The following TSPAN32 variants were observed in gnomAD, a reference collection of about 807,000 sequenced individuals.
TSPAN32 encodes the protein tetraspanin-32.
A neutral mutation model predicts 42.7 loss-of-function variants in TSPAN32; 47 were observed. That is an observed-to-expected ratio of 1.10 (90% CI 0.87 to 1.40). The LOEUF is 1.40. Ranked by LOEUF, TSPAN32 falls within the 40% of genes most tolerant of loss-of-function variation. TSPAN32 has a pLI of 0.00. For synonymous variants in TSPAN32, 175 were observed against 175.9 expected, an observed-to-expected ratio of 0.99 and a Z score of 0.04; for missense variants, 469 against 424.1, an observed-to-expected ratio of 1.11 and a Z score of -0.93.
In TSPAN32 at chr11:2,317,384, T is replaced by G. The variant is rs1237346062; in HGVS notation, c.760T>G (p.Cys254Gly). The stretch of plus-strand genomic sequence containing the variant: ...GCCCCAGGAGCCCAGCCTCTTGAGA[T>G]GCTCCCAGGGTGGACCCACACATTG... ...RQPQEPSLLRCSQGGPTHCLH... is the reference protein window; with the variant it reads ...RQPQEPSLLRGSQGGPTHCLH... The change falls in exon 9 of 10, where the codon TGC becomes GGC. Residue 254 changes from cysteine (C) to glycine (G), a missense_variant. Transcript: ENST00000182290. This position sits in a 1 kb window ranked among gnomAD's most constrained non-coding sequence, Gnocchi z 6.2. The G allele has an allele frequency of 1.9e-6, 3 of 1,598,520 alleles. No individual in the cohort carries two copies. Among genetic ancestry groups the G allele is most frequent in the Non-Finnish European group, 2.6e-6 (3 of 1,172,624 alleles).
At chr11:2,311,338 C>CG (rs2133342969) in intron 4 of TSPAN32, among the ~76,000 whole-genome samples, 1 of 152,280 alleles carries the variant, frequency 6.6e-6, no homozygotes, top group South Asian at 2.1e-4. Context: ...AGGCGTGGAC[C>CG]GGGCTTCAGG....
rs556965618 is a variant in TSPAN32, at chr11:2,304,010, G to A, written c.182-97G>A. 8.8e-6 allele frequency: 8 copies of A among 906,114 alleles called. No individual in the cohort carries two copies. The highest frequency in any genetic ancestry group is 3.0e-5 in the South Asian group (2 of 67,722). 56.1% of individuals were successfully genotyped at this position (906,114 alleles called of 1,614,324 possible). ...TCAGAGCCCCCCAGGAGTCCCTCAC[G>A]GCCCCTGACTCCCAAGTTAGATTTC... On this transcript the variant is annotated intron_variant, in intron 2 of 9. Coordinates refer to ENST00000182290, the MANE Select transcript of TSPAN32 (RefSeq NM_139022.3). The surrounding 1 kb of genome is among the most constrained non-coding windows in gnomAD (Gnocchi z 4.8).
Position 2,313,743 on chromosome 11 carries a change from C to T in TSPAN32, c.444C>T (p.Ala148=), listed in dbSNP as rs1848615304. The part of the protein sequence containing the change: ...TSHVRRQELA[A]IQDVFLCCGK... ...ACGTCCGGCGGCAGGAGCTGGCGGC[C>T]ATCCAGGACGTGGTGAGCGTGGGGA... is the stretch of plus-strand genomic sequence containing the variant. Residue 148 remains alanine, a synonymous_variant, in exon 5 of 10, where the codon GCC becomes GCT. Coordinates refer to ENST00000182290, the MANE Select transcript of TSPAN32 (RefSeq NM_139022.3). This position sits in a 1 kb window ranked among gnomAD's most constrained non-coding sequence, Gnocchi z 9.1. 4 of 1,599,042 alleles carry T rather than the reference C, an allele frequency of 2.5e-6. No individual in the cohort carries two copies. In the South Asian group the frequency reaches 4.5e-5, roughly 18 times the overall value.
chr11:2,316,025 C>A (rs1357308469), intron 6 of TSPAN32: 11 of 1,534,358 alleles, frequency 7.2e-6, no homozygotes, highest in African/African-American at 6.8e-5. Flanking sequence ...CCCACAGAGG[C>A]CAGCCCTGTC....
intron 1 of TSPAN32, 104 bp from the exon 2 acceptor site, chr11:2,302,740 G>C: frequency 1.1e-6 from 1 of 890,236 alleles, no homozygotes; most frequent in South Asian, 1.6e-5. Context: ...TGTCTCTCAC[G>C]GGACCGGGAA....
In TSPAN32 at chr11:2,317,824, T is replaced by C; in HGVS notation, c.902-39T>C. The stretch of plus-strand genomic sequence containing the variant: ...TATGCTGCGTAAGAAGCAGCATGGA[T>C]GTAAGGACTGCAAGCAGTGCCCATT... On this transcript the variant is annotated intron_variant, in intron 9 of 9. Coordinates refer to ENST00000182290, the MANE Select transcript of TSPAN32 (RefSeq NM_139022.3). This position sits in a 1 kb window ranked among gnomAD's most constrained non-coding sequence, Gnocchi z 6.2. 6.2e-7 allele frequency: 1 copy of C among 1,605,094 alleles called. No homozygotes were observed. The highest frequency in any genetic ancestry group is 8.5e-7 in the Non-Finnish European group (1 of 1,174,180).
chr11:2,308,759 G>T lies in TSPAN32; in HGVS notation c.303G>T (p.Ala101=), dbSNP rs570557887. ...AGGGCTTCCTGTGCTTCTCCCTGGC[G>T]TTCTGCGCACAGGTGCAGGTGGTGT... ...MAGGFLCFSL[A]FCAQVQVVFW... is the part of the protein sequence containing the mutation. The change falls in exon 4 of 10, where the codon GCG becomes GCT. Residue 101 remains alanine, a synonymous_variant. Transcript: ENST00000182290. 1 of 1,575,576 alleles carries T rather than the reference G, an allele frequency of 6.3e-7. No homozygotes were observed. Among genetic ancestry groups the T allele is most frequent in the Non-Finnish European group, 8.6e-7 (1 of 1,161,002 alleles).
At chr11:2,303,400 C>T (rs1466782867) in intron 2 of TSPAN32, 1 of 213,820 alleles carries the variant, frequency 4.7e-6, no homozygotes, top group South Asian at 4.9e-5. Flanking sequence ...AGCCAGACGC[C>T]TCCCTGCAGG....
At chr11:2,303,158 C>T (rs1847864115) in intron 2 of TSPAN32, 200 bp downstream of exon 2, 3 of 577,800 alleles carry the variant, frequency 5.2e-6, no homozygotes, top group South Asian at 4.0e-5. Flanking sequence ...AGCCAGTGTT[C>T]CTGCCTGGTT....
intron 3 of TSPAN32, chr11:2,306,963 G>A (rs575633670): frequency 0.1 from 1,826 of 18,180 alleles, 60 homozygotes; most frequent in African/African-American, 0.37. Flanking sequence ...GAGGGAGAAG[G>A]AGGAGGAAAG....
rs1470855119 is a variant in TSPAN32 at position 2,314,989 on chromosome 11, C to T, written c.543+418C>T. Reference sequence around the variant, plus strand: ...TGTCTAGGGGGAAGGGTGCAGGCGTCCTGGGGGGCATCAGAAGGAGTTGAA... The same window carrying T: ...TGTCTAGGGGGAAGGGTGCAGGCGTTCTGGGGGGCATCAGAAGGAGTTGAA... On this transcript the variant is annotated intron_variant, in intron 6 of 9. Transcript: ENST00000182290. The T allele has an allele frequency of 3.8e-5, 11 of 287,272 alleles. 1 individual carries two copies. Among genetic ancestry groups the T allele is most frequent in the South Asian group, 2.7e-4 (9 of 33,882 alleles). 17.8% of individuals were successfully genotyped at this position (287,272 alleles called of 1,614,324 possible).
Position 2,302,153 on chromosome 11 carries a change from G to T in TSPAN32, c.4G>T (p.Gly2Trp), listed in dbSNP as rs867708905. M[G>W]PWSRVRVAKC... ...AGAGGAGAGGAGAGGAACCGTCATG[G>T]GGCCTTGGAGTCGAGTCAGGGTTGC... The change falls in exon 1 of 10, where the codon GGG (glycine) becomes TGG (tryptophan). Residue 2 changes from glycine to tryptophan, a missense_variant. By Grantham distance (184) the Gly-to-Trp change is radical (BLOSUM62 -2). Coordinates refer to ENST00000182290, the MANE Select transcript of TSPAN32 (RefSeq NM_139022.3). The T allele has an allele frequency of 6.9e-7, 1 of 1,450,938 alleles. No homozygotes were observed. Among genetic ancestry groups the T allele is most frequent in the Non-Finnish European group, 9.1e-7 (1 of 1,099,420 alleles). 89.9% of individuals were successfully genotyped at this position (1,450,938 alleles called of 1,614,324 possible). A position where few individuals can be genotyped will look rare whatever the true frequency, so the allele number is the denominator to read the frequency against.
In TSPAN32 at chr11:2,313,611, T is replaced by A. The variant is rs1231187585; in HGVS notation, c.355-43T>A. Reference sequence around the variant, plus strand: ...GTGGGGAGGGGGCTGTGTCCCCGGATCTCCCACCAGGGCCAGGACCTCCCT... The same window carrying A: ...GTGGGGAGGGGGCTGTGTCCCCGGAACTCCCACCAGGGCCAGGACCTCCCT... On this transcript the variant is annotated intron_variant, in intron 4 of 9. Transcript: ENST00000182290. The surrounding 1 kb of genome is among the most constrained non-coding windows in gnomAD (Gnocchi z 9.1). The A allele has an allele frequency of 6.6e-7, 1 of 1,510,226 alleles. No individual in the cohort carries two copies. The highest frequency in any genetic ancestry group is 1.9e-5 in the Admixed American group (1 of 51,950). The allele number at this position is 1,510,226 out of a possible 1,614,324, so 93.6% of individuals were successfully genotyped here.
chr11:2,308,835 G>C, intron 4 of TSPAN32, 25 bp downstream of exon 4: 2 of 1,510,828 alleles, frequency 1.3e-6, no homozygotes, highest in Non-Finnish European at 1.8e-6. Context: ...CCCCTACCCT[G>C]CAGTGGAGGG....
In TSPAN32 at chr11:2,316,576, G is replaced by A; in HGVS notation, c.628G>A (p.Val210Met). 6.3e-7 allele frequency: 1 copy of A among 1,592,018 alleles called. No homozygotes were observed. Among genetic ancestry groups the A allele is most frequent in the Admixed American group, 1.7e-5 (1 of 58,178 alleles). ...GCAGCCGCGGGTGTCTCCCTCCCAG[G>A]TGTCCGCCTTGCTCTTCAGCTCCTT... ...SLTSIGLALT[V>M]SALLFSSFLW... is the part of the protein sequence containing the mutation. The change falls in exon 8 of 10, where the codon GTG (valine) becomes ATG (methionine). Residue 210 changes from valine (V) to methionine (M), a missense_variant and splice_region_variant. Transcript: ENST00000182290.
In TSPAN32 at chr11:2,315,876, G is replaced by A. The variant is rs1391628537; in HGVS notation, c.544-353G>A. ...CACCCTCTGGTCACCAAGGTGCTGTGCCCGGCCCTGGGCTGGATGCTGGGA... is the reference window on the plus strand; with the variant it reads ...CACCCTCTGGTCACCAAGGTGCTGTACCCGGCCCTGGGCTGGATGCTGGGA... On this transcript the variant is annotated intron_variant, in intron 6 of 9. Transcript: ENST00000182290. The A allele has an allele frequency of 2.1e-6, 3 of 1,417,724 alleles. No homozygotes were observed. The African/African-American group carries it at 4.3e-5, about 20-fold the overall frequency. 87.8% of individuals were successfully genotyped at this position (1,417,724 alleles called of 1,614,324 possible). A position where few individuals can be genotyped will look rare whatever the true frequency, so the allele number is the denominator to read the frequency against.
chr11:2,304,172 A>T lies in TSPAN32; in HGVS notation c.247A>T (p.Thr83Ser). The change falls in exon 3 of 10, where the codon ACC becomes TCC. Residue 83 changes from threonine to serine, a missense_variant. By Grantham distance (58) the Thr-to-Ser change is moderately conservative. Transcript: ENST00000182290. This position sits in a 1 kb window ranked among gnomAD's most constrained non-coding sequence, Gnocchi z 4.8. ...GGGAGCCGTGCTGAGCGCTGCAGCC[A>T]CCGTGAGGGAGGCCCAGGGCCTCAT... ...TLGAVLSAAA[T>S]VREAQGLMAG... 6.3e-7 allele frequency: 1 copy of T among 1,586,636 alleles called. No individual in the cohort carries two copies. The highest frequency in any genetic ancestry group is 8.6e-7 in the Non-Finnish European group (1 of 1,166,746).
intron 6 of TSPAN32, chr11:2,315,808 A>G: frequency 3.0e-6 from 4 of 1,324,720 alleles, no homozygotes; most frequent in Non-Finnish European, 4.0e-6. Flanking sequence ...GACCCCCCTC[A>G]CACCCCTCCA....
In TSPAN32 at chr11:2,317,664, A is replaced by C; in HGVS notation, c.901+139A>C. On this transcript the variant is annotated intron_variant, in intron 9 of 9. Transcript: ENST00000182290. This position sits in a 1 kb window ranked among gnomAD's most constrained non-coding sequence, Gnocchi z 6.2. ...TGCAAGGGTAAGGGGTAGCTCACCA[A>C]ATCCCTCCATGGGAACGGGCTGGGA... is the stretch of plus-strand genomic sequence containing the variant. The C allele has an allele frequency of 6.8e-7, 1 of 1,479,194 alleles. No individual in the cohort carries two copies. Among genetic ancestry groups the C allele is most frequent in the African/African-American group, 1.4e-5 (1 of 70,828 alleles). The allele number at this position is 1,479,194 out of a possible 1,614,324, so 91.6% of individuals were successfully genotyped here. A position where few individuals can be genotyped will look rare whatever the true frequency, so the allele number is the denominator to read the frequency against.
Sources: allele counts gnomAD v4.1 joint callset (sites outside exome capture counted in the v4.1 genomes callset), GRCh38; gene constraint gnomAD v4.1.1; non-coding constraint Gnocchi (gnomAD v3.1); transcripts MANE v1.5; gene names NCBI Gene and HGNC (gene_info 2026-07-23, HGNC 2026-07-21).